FAM234B: variants seen among roughly 807,000 people sequenced by gnomAD.
FAM234B encodes family with sequence similarity 234 member B, also known as protein FAM234B.
FAM234B carries 33 observed loss-of-function variants against 69.3 expected under a neutral mutation model. That is an observed-to-expected ratio of 0.48 (90% CI 0.36 to 0.64). The LOEUF is 0.64. Ranked by LOEUF, FAM234B falls within the 30% of genes least tolerant of loss-of-function variation. The probability of loss-of-function intolerance (pLI) is 0.00; values close to 1 mark genes in which losing one functional copy is unlikely to be tolerated. For synonymous variants in FAM234B, 306 were observed against 306.9 expected, an observed-to-expected ratio of 1.00 and a Z score of 0.03; for missense variants, 697 against 769.7, an observed-to-expected ratio of 0.91 and a Z score of 1.12.
chr12:13,049,968 G>A (rs1052500208), intron 1 of FAM234B, among the ~76,000 whole-genome samples: 1 of 152,162 alleles, frequency 6.6e-6, no homozygotes, highest in Admixed American at 6.5e-5. Context: ...GTGATCTAGG[G>A]CCGTTGGAAG....
At chr12:13,065,945 C>T (rs565081004) in intron 5 of FAM234B, among the ~76,000 whole-genome samples, 63 of 152,278 alleles carry the variant, frequency 4.1e-4, no homozygotes, top group Non-Finnish European at 6.8e-4. Flanking sequence ...GGTGACTCTA[C>T]CCCAAAAGAA....
chr12:13,069,416 G>C (rs1865077720), intron 9 of FAM234B, among the ~76,000 whole-genome samples: 1 of 152,154 alleles, frequency 6.6e-6, no homozygotes, highest in African/African-American at 2.4e-5. Context: ...TTCCCTGAGA[G>C]AGACAAATAA....
chr12:13,058,433 T>C lies in FAM234B; in HGVS notation c.434-18T>C, dbSNP rs1004449214. 1.2e-6 allele frequency: 2 copies of C among 1,612,190 alleles called. No individual in the cohort carries two copies. The highest frequency in any genetic ancestry group is 1.7e-5 in the Admixed American group (1 of 59,978). On this transcript the variant is annotated intron_variant, in intron 2 of 12. Transcript: ENST00000197268. ...GTAACTTGCTCAGGACCTTTTTGGT[T>C]TTTTATGTGTATAACAGGTGGGGAC...
chr12:13,067,015 C>G lies in FAM234B; in HGVS notation c.1001-140C>G. On this transcript the variant is annotated intron_variant, in intron 6 of 12. Coordinates refer to ENST00000197268, the MANE Select transcript of FAM234B (RefSeq NM_020853.2). The surrounding 1 kb of genome is among the most constrained non-coding windows in gnomAD (Gnocchi z 4.7). The stretch of plus-strand genomic sequence containing the variant: ...TGTCCAGCACCCACTTAATCACCTC[C>G]CCACTTGTTCCGTGTTGTCCAGTCT... The G allele has an allele frequency of 1.9e-6, 2 of 1,038,264 alleles. No homozygotes were observed. Among genetic ancestry groups the G allele is most frequent in the Non-Finnish European group, 2.8e-6 (2 of 706,452 alleles). The allele number at this position is 1,038,264 out of a possible 1,614,324, so 64.3% of individuals were successfully genotyped here.
intron 2 of FAM234B, among the ~76,000 whole-genome samples, chr12:13,056,641 C>T (rs371689891): frequency 7.2e-5 from 11 of 152,206 alleles, no homozygotes; most frequent in East Asian, 5.8e-4. Context: ...GTTGAATTAG[C>T]TTCTGATGAG....
chr12:13,064,864 C>T (rs1056036435), intron 5 of FAM234B, among the ~76,000 whole-genome samples: 2 of 152,074 alleles, frequency 1.3e-5, no homozygotes, highest in Admixed American at 6.5e-5. Context: ...ATAGTGATTG[C>T]GTTCATTGAT....
chr12:13,066,421 G>GATGTGCTTTGAAA (rs1405866976), intron 5 of FAM234B, among the ~76,000 whole-genome samples: 21 of 152,218 alleles, frequency 1.4e-4, no homozygotes, highest in African/African-American at 4.8e-4. Flanking sequence ...GTGCTTTGAA[G>GATGTGCTTTGAAA]ATGCCCTTTG....
intron 10 of FAM234B, among the ~76,000 whole-genome samples, chr12:13,074,007 TC>T (rs1486493531): frequency 6.6e-6 from 1 of 152,216 alleles, no homozygotes; most frequent in African/African-American, 2.4e-5. Flanking sequence ...CACCCAAAAT[TC>T]ACCACAAATT....
intron 2 of FAM234B, among the ~76,000 whole-genome samples, chr12:13,057,454 G>T (rs1440596538): frequency 7.1e-6 from 1 of 140,384 alleles, no homozygotes; most frequent in East Asian, 2.6e-4. Flanking sequence ...AATGCTTCCA[G>T]TCTTTTTTTT....
At chr12:13,045,244 A>T (rs1864795231) in intron 1 of FAM234B, among the ~76,000 whole-genome samples, 1 of 149,452 alleles carries the variant, frequency 6.7e-6, no homozygotes. Flanking sequence ...TTCCTCCTAA[A>T]CCTCCAGAGT....
chr12:13,075,608 CTCTT>C, intron 10 of FAM234B, among the ~76,000 whole-genome samples: 1 of 95,164 alleles, frequency 1.1e-5, no homozygotes, highest in East Asian at 3.5e-4. Flanking sequence ...GCTTTTTTTT[CTCTT>C]TTTTTTTTTT....
Position 13,061,631 on chromosome 12 carries a change from C to T in FAM234B, c.589C>T (p.Leu197=). The change falls in exon 4 of 13, where the codon CTG becomes TTG. Residue 197 remains leucine, a synonymous_variant. Transcript: ENST00000197268. The stretch of plus-strand genomic sequence containing the variant: ...CCTTTCGGGGATGAATGGCAGCACA[C>T]TGTGGTCTAGTCTTCTCCCTGAGGA... ...VCLSGMNGST[L]WSSLLPEEAR... The T allele has an allele frequency of 6.2e-7, 1 of 1,614,022 alleles. No homozygotes were observed. The highest frequency in any genetic ancestry group is 1.1e-5 in the South Asian group (1 of 91,068).
chr12:13,065,963 A>G (rs1865031315), intron 5 of FAM234B, among the ~76,000 whole-genome samples: 1 of 152,196 alleles, frequency 6.6e-6, no homozygotes, highest in African/African-American at 2.4e-5. Flanking sequence ...GAAATCCTCT[A>G]GAGCTGAAGT....
At position 13,071,237 on chromosome 12, in the gene FAM234B, G is replaced by A; in HGVS notation, c.1369-4G>A. 1 of 1,614,054 alleles carries A rather than the reference G, an allele frequency of 6.2e-7. No homozygotes were observed. The highest frequency in any genetic ancestry group is 8.5e-7 in the Non-Finnish European group (1 of 1,179,966). ...ATGTTTACTGTCTGTCTTCTCTTTT[G>A]TAGATGATGGTTGTGGATGGTGACT... On this transcript the variant is annotated splice_region_variant and splice_polypyrimidine_tract_variant and intron_variant, in intron 9 of 12. Coordinates refer to ENST00000197268, the MANE Select transcript of FAM234B (RefSeq NM_020853.2).
chr12:13,055,855 G>A lies in FAM234B; in HGVS notation c.342G>A (p.Ser114=), dbSNP rs565895358. 148 of 1,613,988 alleles carry A rather than the reference G, an allele frequency of 9.2e-5. 1 individual carries two copies. In the South Asian group the frequency reaches 1.3e-3, roughly 14 times the overall value. Reference sequence around the variant, plus strand: ...TCTTCCTGCTGACTTTGGGGATCTCGATGATCCTGGTGCTCCTGTGTGCTT... The same window carrying A: ...TCTTCCTGCTGACTTTGGGGATCTCAATGATCCTGGTGCTCCTGTGTGCTT... ...TSVFLLTLGI[S]MILVLLCAFL... Residue 114 remains serine (S), a synonymous_variant, in exon 2 of 13, where the codon TCG becomes TCA. Coordinates refer to ENST00000197268, the MANE Select transcript of FAM234B (RefSeq NM_020853.2).
Position 13,067,236 on chromosome 12 carries a change from A to G in FAM234B, c.1082A>G (p.Glu361Gly). The change falls in exon 7 of 13, where the codon GAA becomes GGA. Residue 361 changes from glutamate to glycine, a missense_variant. Coordinates refer to ENST00000197268, the MANE Select transcript of FAM234B (RefSeq NM_020853.2). This position sits in a 1 kb window ranked among gnomAD's most constrained non-coding sequence, Gnocchi z 4.7. ...RDSSPPSLQI[E>G]EPEWEKRRSI... ...AGCTCACCACCTTCTCTGCAGATAG[A>G]AGAGCCAGAATGGGAAAAGCGAAGA... 6.2e-7 allele frequency: 1 copy of G among 1,614,046 alleles called. No homozygotes were observed. The highest frequency in any genetic ancestry group is 1.1e-5 in the South Asian group (1 of 91,082).
intron 11 of FAM234B, among the ~76,000 whole-genome samples, chr12:13,076,365 G>T (rs562185765): frequency 5.3e-5 from 8 of 152,294 alleles, no homozygotes; most frequent in Middle Eastern, 3.4e-3. Flanking sequence ...GAATGTGGAG[G>T]TGAAAGCGCG....
At chr12:13,075,437 T>C (rs1565512230) in intron 10 of FAM234B, among the ~76,000 whole-genome samples, 1 of 149,294 alleles carries the variant, frequency 6.7e-6, no homozygotes, top group African/African-American at 2.5e-5. Flanking sequence ...TCTTTTCTTT[T>C]TTTTTTTTTT....
intron 11 of FAM234B, among the ~76,000 whole-genome samples, chr12:13,078,444 C>A (rs1865185895): frequency 6.6e-6 from 1 of 152,110 alleles, no homozygotes; most frequent in South Asian, 2.1e-4. Context: ...ACTGAATGGG[C>A]AAAAACTGGA....
Sources: allele counts gnomAD v4.1 joint callset (sites outside exome capture counted in the v4.1 genomes callset), GRCh38; gene constraint gnomAD v4.1.1; non-coding constraint Gnocchi (gnomAD v3.1); transcripts MANE v1.5; gene names NCBI Gene and HGNC (gene_info 2026-07-23, HGNC 2026-07-21).